The following NKAIN3 variants were observed in gnomAD, a reference collection of about 807,000 sequenced individuals.
The protein encoded by NKAIN3 is sodium/potassium transporting ATPase interacting 3, also known as sodium/potassium-transporting ATPase subunit beta-1-interacting protein 3.
Under a neutral mutation model 30.2 loss-of-function variants are expected in NKAIN3, and 25 were observed. The observed-to-expected ratio is 0.83, with a 90% CI of 0.60 to 1.16. NKAIN3 has a LOEUF of 1.16. Ranked by LOEUF, NKAIN3 falls within the 50% of genes most tolerant of loss-of-function variation. The pLI is 0.00. For synonymous variants in NKAIN3, 91 were observed against 89.6 expected (o/e 1.02, Z -0.09); for missense variants, 225 against 254.1 (o/e 0.89, Z 0.78).
In NKAIN3 at chr8:62,973,124, A is replaced by G. The variant is rs1270822579; in HGVS notation, c.*7717A>G. Among the ~76,000 whole-genome samples, 2 of 152,210 alleles carry G rather than the reference A, an allele frequency of 1.3e-5. No homozygotes were observed. Among genetic ancestry groups the G allele is most frequent in the African/African-American group, 4.8e-5 (2 of 41,450 alleles). ...CTTTGCTATTGTGAATAGTGCTGCA[A>G]TAAACATAGGAGTGCATGTGTCATT... On this transcript the variant is annotated 3_prime_UTR_variant, in exon 7 of 7. Coordinates refer to ENST00000623646, the MANE Select transcript of NKAIN3 (RefSeq NM_001304533.3).
intron 1 of NKAIN3, among the ~76,000 whole-genome samples, chr8:62,468,254 A>G (rs1338264510): frequency 1.3e-5 from 2 of 152,232 alleles, no homozygotes; most frequent in Non-Finnish European, 2.9e-5. Flanking sequence ...AACAGAAATT[A>G]GGATCATGAA....
At chr8:62,639,340 G>A (rs1430277044) in intron 3 of NKAIN3, among the ~76,000 whole-genome samples, 1 of 152,072 alleles carries the variant, frequency 6.6e-6, no homozygotes, top group Admixed American at 6.6e-5. Context: ...ATGAGATAAG[G>A]TTAGAAAATA....
intron 1 of NKAIN3, among the ~76,000 whole-genome samples, chr8:62,319,068 G>T (rs1021832913): frequency 3.3e-5 from 5 of 152,158 alleles, no homozygotes; most frequent in African/African-American, 1.2e-4. Context: ...TTGGGAGGGT[G>T]TATGTGTCAA....
At chr8:62,515,924 ATT>A (rs1235936935) in intron 1 of NKAIN3, among the ~76,000 whole-genome samples, 1 of 151,976 alleles carries the variant, frequency 6.6e-6, no homozygotes, top group Non-Finnish European at 1.5e-5. Context: ...TGTCTTCTTG[ATT>A]TGGGGGTATT....
At chr8:62,567,904 C>G (rs996560241) in intron 1 of NKAIN3, among the ~76,000 whole-genome samples, 3 of 152,054 alleles carry the variant, frequency 2.0e-5, no homozygotes, top group African/African-American at 7.2e-5. Flanking sequence ...ACTGAAATAG[C>G]AACAGGAAAT....
intron 1 of NKAIN3, among the ~76,000 whole-genome samples, chr8:62,380,848 C>G (rs10504346): frequency 4.6e-5 from 7 of 152,036 alleles, no homozygotes; most frequent in Non-Finnish European, 8.8e-5. Flanking sequence ...CAGGTGAATT[C>G]AATCAAACAT....
chr8:62,960,109 G>T (rs1354275132), intron 6 of NKAIN3, among the ~76,000 whole-genome samples: 1 of 152,220 alleles, frequency 6.6e-6, no homozygotes, highest in Non-Finnish European at 1.5e-5. Context: ...TGAAATGGCT[G>T]TGTGTATATA....
chr8:62,335,602 G>A (rs992516649), intron 1 of NKAIN3, among the ~76,000 whole-genome samples: 1 of 151,822 alleles, frequency 6.6e-6, no homozygotes, highest in Middle Eastern at 3.4e-3. Context: ...AACAAATTTT[G>A]TGCCCTCCCC....
At chr8:62,586,903 T>C (rs1340471295) in intron 2 of NKAIN3, among the ~76,000 whole-genome samples, 2 of 151,988 alleles carry the variant, frequency 1.3e-5, no homozygotes, top group Non-Finnish European at 2.9e-5. Flanking sequence ...TGCAGAGTGA[T>C]TTTTTTCTTA....
At chr8:62,454,301 C>CAAAAAAAAAAAAAAAGAAAAAAAAA (rs1805743235) in intron 1 of NKAIN3, among the ~76,000 whole-genome samples, 1 of 56,152 alleles carries the variant, frequency 1.8e-5, no homozygotes, top group African/African-American at 5.6e-5. Flanking sequence ...AGCTGATGTG[C>CAAAAAAAAAAAAAAAGAAAAAAAAA]AAAAAAAAAA....
chr8:62,965,869 T>C lies in NKAIN3; in HGVS notation c.*462T>C. ...CCACCAAGGTAGACCCTGTGACAGC[T>C]GATAAATAGGTACAAATAATGGATC... On this transcript the variant is annotated 3_prime_UTR_variant, in exon 7 of 7. Transcript: ENST00000623646. 1.0e-6 allele frequency: 1 copy of C among 985,204 alleles called. No homozygotes were observed. Among genetic ancestry groups the C allele is most frequent in the Non-Finnish European group, 1.2e-6 (1 of 829,762 alleles). The allele number at this position is 985,204 out of a possible 1,614,324, so 61.0% of individuals were successfully genotyped here. A position where few individuals can be genotyped will look rare whatever the true frequency, so the allele number is the denominator to read the frequency against.
intron 3 of NKAIN3, among the ~76,000 whole-genome samples, chr8:62,742,811 C>A (rs1162172912): frequency 6.6e-6 from 1 of 152,138 alleles, no homozygotes; most frequent in Non-Finnish European, 1.5e-5. Flanking sequence ...ATTCTAGAGA[C>A]TGGATAATTT....
intron 3 of NKAIN3, among the ~76,000 whole-genome samples, chr8:62,726,149 G>A (rs951395054): frequency 6.6e-6 from 1 of 151,872 alleles, no homozygotes; most frequent in Non-Finnish European, 1.5e-5. Flanking sequence ...ATTTGCTGTT[G>A]GCATATAGAA....
intron 1 of NKAIN3, among the ~76,000 whole-genome samples, chr8:62,545,680 T>C (rs1287794446): frequency 6.6e-6 from 1 of 152,242 alleles, no homozygotes; most frequent in East Asian, 1.9e-4. Context: ...ATAATTTATG[T>C]AAAAACTCTC....
chr8:62,801,821 G>A (rs573203757), intron 4 of NKAIN3, among the ~76,000 whole-genome samples: 3 of 152,286 alleles, frequency 2.0e-5, no homozygotes, highest in African/African-American at 4.8e-5. Context: ...AAACTACTCC[G>A]AGTTACAGGA....
intron 4 of NKAIN3, among the ~76,000 whole-genome samples, chr8:62,882,899 A>G (rs952065889): frequency 3.9e-5 from 6 of 152,074 alleles, no homozygotes; most frequent in African/African-American, 1.4e-4. Context: ...ATTCTGTTCC[A>G]TTGAGCTATT....
rs553559964 is a variant in NKAIN3 at position 62,369,919 on chromosome 8, G to GA, written c.54+120801dup. Reference sequence around the variant, plus strand: ...TGCTTATGGCATTCCAGCCAAGATAGAAAAAAAAAGTCTTAAAGAACTTTG... The same window carrying GA: ...TGCTTATGGCATTCCAGCCAAGATAGAAAAAAAAAAGTCTTAAAGAACTTTG... On this transcript the variant is annotated intron_variant, in intron 1 of 6. Transcript: ENST00000623646. Among the ~76,000 whole-genome samples the GA allele has an allele frequency of 2.4e-3, 354 of 150,288 alleles. 3 individuals carry two copies. Among genetic ancestry groups the GA allele is most frequent in the African/African-American group, 7.5e-3 (308 of 41,106 alleles).
chr8:62,778,255 A>G (rs1356052242), intron 4 of NKAIN3, among the ~76,000 whole-genome samples: 1 of 152,116 alleles, frequency 6.6e-6, no homozygotes, highest in Non-Finnish European at 1.5e-5. Flanking sequence ...AGCAAGTGGG[A>G]AAACCAGCCA....
rs183091713 is a variant in NKAIN3, at chr8:62,952,321, C to T, written c.533-1581C>T. 9.9e-5 allele frequency among the ~76,000 whole-genome samples: 15 copies of T among 152,236 alleles called. No individual in the cohort carries two copies. In the East Asian group the frequency reaches 2.9e-3, roughly 29 times the overall value. ...ATGAAGCAGAACTGTATTTGGAATT[C>T]AAGTGCACAGGAAACTTACAACTGC... is the stretch of plus-strand genomic sequence containing the variant. On this transcript the variant is annotated intron_variant, in intron 5 of 6. Transcript: ENST00000623646.
Sources: gnomAD v4.1 joint callset for allele counts (sites outside exome capture counted in the v4.1 genomes callset) on GRCh38, gnomAD v4.1.1 for gene constraint, MANE v1.5 for transcripts, NCBI Gene and HGNC (gene_info 2026-07-23, HGNC 2026-07-21) for gene names.